The following ARID2 variants were observed in gnomAD, a reference collection of about 807,000 sequenced individuals.
The protein encoded by ARID2 is AT-rich interaction domain 2.
Under a neutral mutation model 184.6 loss-of-function variants are expected in ARID2, and 32 were observed. The observed-to-expected ratio is 0.17, with a 90% CI of 0.13 to 0.23. The LOEUF is 0.23. Ranked by LOEUF, ARID2 falls within the 10% of genes least tolerant of loss-of-function variation. The pLI is 1.00. For synonymous variants in ARID2, 836 were observed against 772.6 expected (o/e 1.08, Z -1.36); for missense variants, 1,696 against 2,197.6 (o/e 0.77, Z 4.56).
chr12:45,787,184 T>C (rs1368778779), intron 3 of ARID2, among the ~76,000 whole-genome samples: 1 of 151,958 alleles, frequency 6.6e-6, no homozygotes, highest in Non-Finnish European at 1.5e-5. Flanking sequence ...ATCAGTTCAT[T>C]TTAGCCATTC....
At chr12:45,793,372 G>C (rs1427257057) in intron 3 of ARID2, among the ~76,000 whole-genome samples, 3 of 146,312 alleles carry the variant, frequency 2.1e-5, no homozygotes, top group Non-Finnish European at 4.5e-5. Flanking sequence ...TATCTTGTTT[G>C]AATTAACTGA....
chr12:45,769,140 G>A (rs1249711175), intron 3 of ARID2, among the ~76,000 whole-genome samples: 3 of 152,160 alleles, frequency 2.0e-5, no homozygotes, highest in Non-Finnish European at 2.9e-5. Flanking sequence ...ACAAAAAATT[G>A]TGAGATATGT....
intron 6 of ARID2, among the ~76,000 whole-genome samples, chr12:45,835,813 T>C (rs1367873847): frequency 6.6e-6 from 1 of 151,644 alleles, no homozygotes; most frequent in African/African-American, 2.4e-5. Flanking sequence ...GGTAGGGGAA[T>C]CACTTGAACC....
In ARID2 at chr12:45,757,564, A is replaced by G. The variant is rs145861801; in HGVS notation, c.284+26250A>G. Among the ~76,000 whole-genome samples, 10 of 152,372 alleles carry G rather than the reference A, an allele frequency of 6.6e-5. No individual in the cohort carries two copies. The East Asian group carries it at 1.7e-3, about 26-fold the overall frequency. ...CCTTCTAGTTCTGGGATGATTGATCATGATCACAGAGAGCTTGATTGAGAA... is the reference window on the plus strand; with the variant it reads ...CCTTCTAGTTCTGGGATGATTGATCGTGATCACAGAGAGCTTGATTGAGAA... On this transcript the variant is annotated intron_variant, in intron 3 of 20. Coordinates refer to ENST00000334344, the MANE Select transcript of ARID2 (RefSeq NM_152641.4).
At chr12:45,831,028 G>A (rs1325715094) in intron 6 of ARID2, among the ~76,000 whole-genome samples, 1 of 145,428 alleles carries the variant, frequency 6.9e-6, no homozygotes, top group African/African-American at 2.6e-5. Flanking sequence ...ACTAGTGACA[G>A]AACGAGACTC....
intron 4 of ARID2, among the ~76,000 whole-genome samples, chr12:45,817,459 A>G (rs1001445760): frequency 6.6e-6 from 1 of 151,326 alleles, no homozygotes; most frequent in Non-Finnish European, 1.5e-5. Flanking sequence ...TACCTTTTCA[A>G]GAATGTAATT....
chr12:45,842,723 C>T (rs931874318), intron 11 of ARID2, among the ~76,000 whole-genome samples: 4 of 151,548 alleles, frequency 2.6e-5, no homozygotes, highest in Admixed American at 2.6e-4. Flanking sequence ...TGCCACTGCA[C>T]TCCAGCTTGG....
chr12:45,811,037 G>A lies in ARID2; in HGVS notation c.285-381G>A, dbSNP rs182219434. 1.8e-3 allele frequency among the ~76,000 whole-genome samples: 281 copies of A among 152,016 alleles called. 3 individuals are homozygous for A. The highest frequency in any genetic ancestry group is 2.5e-3 in the South Asian group (12 of 4,816). ...ATCCTAGCTAACACGGTGAAACCCC[G>A]TCTCTACAAAAAATACAAAAAATTA... On this transcript the variant is annotated intron_variant, in intron 3 of 20. Transcript: ENST00000334344.
At chr12:45,835,777 A>G (rs956343715) in intron 6 of ARID2, among the ~76,000 whole-genome samples, 13 of 152,136 alleles carry the variant, frequency 8.5e-5, no homozygotes, top group East Asian at 1.9e-4. Flanking sequence ...GCGCGTGCCT[A>G]TAATTCCAGC....
intron 16 of ARID2, among the ~76,000 whole-genome samples, chr12:45,873,048 T>A (rs1373899207): frequency 6.6e-6 from 1 of 152,250 alleles, no homozygotes. Context: ...GTTTTGATGC[T>A]TTATGTTCAG....
chr12:45,811,834 A>G (rs1052618377), intron 4 of ARID2, among the ~76,000 whole-genome samples: 1 of 152,196 alleles, frequency 6.6e-6, no homozygotes, highest in Non-Finnish European at 1.5e-5. Context: ...CTAAATAGTC[A>G]CTAAAATAAG....
intron 3 of ARID2, among the ~76,000 whole-genome samples, chr12:45,793,096 C>T (rs552751004): frequency 5.1e-4 from 77 of 152,056 alleles, no homozygotes; most frequent in Admixed American, 4.2e-3. Flanking sequence ...GTCAGGAGTT[C>T]GAGACCAGCC....
In ARID2 at chr12:45,906,440, G is replaced by T. The variant is rs2136474092; in HGVS notation, c.*1362G>T. 4.3e-6 allele frequency: 1 copy of T among 232,826 alleles called. No homozygotes were observed. The highest frequency in any genetic ancestry group is 2.2e-5 in the African/African-American group (1 of 45,386). The allele number at this position is 232,826 out of a possible 1,614,324, so 14.4% of individuals were successfully genotyped here. A position where few individuals can be genotyped will look rare whatever the true frequency, so the allele number is the denominator to read the frequency against. On this transcript the variant is annotated 3_prime_UTR_variant, in exon 21 of 21. Coordinates refer to ENST00000334344, the MANE Select transcript of ARID2 (RefSeq NM_152641.4). ...AACCACCATTTCTGCTGTGTCCTTA[G>T]GATGTGCAGTAAAAAATATAGACCT...
chr12:45,884,809 C>T (rs2138222136), intron 16 of ARID2, among the ~76,000 whole-genome samples: 1 of 152,158 alleles, frequency 6.6e-6, no homozygotes. Context: ...GTACAAAAGC[C>T]CCCCAAGAAG....
chr12:45,862,609 T>A (rs1481078327), intron 16 of ARID2, among the ~76,000 whole-genome samples: 1 of 152,220 alleles, frequency 6.6e-6, no homozygotes, highest in Non-Finnish European at 1.5e-5. Context: ...CCAGGAAGGC[T>A]GAGGCAGGAG....
At chr12:45,858,688 CT>C (rs1413057845) in intron 15 of ARID2, among the ~76,000 whole-genome samples, 1 of 152,156 alleles carries the variant, frequency 6.6e-6, no homozygotes, top group East Asian at 1.9e-4. Flanking sequence ...ATTACTTACA[CT>C]TTACAGATGA....
At chr12:45,788,251 A>G (rs1942231313) in intron 3 of ARID2, among the ~76,000 whole-genome samples, 2 of 152,202 alleles carry the variant, frequency 1.3e-5, no homozygotes, top group Non-Finnish European at 2.9e-5. Context: ...GCTACTAGTT[A>G]TTACATGCAT....
chr12:45,881,717 C>T, intron 16 of ARID2: 1 of 187,234 alleles, frequency 5.3e-6, no homozygotes, highest in Non-Finnish European at 1.1e-5. Flanking sequence ...CCCAAGGCTG[C>T]CTGCTCCTTG....
intron 3 of ARID2, among the ~76,000 whole-genome samples, chr12:45,805,429 G>T (rs146422967): frequency 6.6e-6 from 1 of 152,136 alleles, no homozygotes; most frequent in East Asian, 1.9e-4. Context: ...TGAAAATTCA[G>T]ATGAGGAGTA....
Sources: gnomAD v4.1 joint callset for allele counts (sites outside exome capture counted in the v4.1 genomes callset) on GRCh38, gnomAD v4.1.1 for gene constraint, MANE v1.5 for transcripts, NCBI Gene and HGNC (gene_info 2026-07-23, HGNC 2026-07-21) for gene names.